The following RAPGEF5 variants were observed in gnomAD, a reference collection of about 807,000 sequenced individuals.
RAPGEF5 encodes the protein M-Ras-regulated GEF.
RAPGEF5 carries 65 observed loss-of-function variants against 125.2 expected under a neutral mutation model. That is an observed-to-expected ratio of 0.52 (90% CI 0.43 to 0.64). RAPGEF5 has a LOEUF of 0.64. Among genes scored for constraint, RAPGEF5 ranks in the 30% least tolerant of loss-of-function variants. The pLI is 0.00. For missense variants in RAPGEF5, 958 were observed against 1,048.1 expected (o/e 0.91, Z 1.19); for synonymous variants, 391 against 385.9 (o/e 1.01, Z -0.16).
chr7:22,355,770 G>A (rs1240381050), intron 1 of RAPGEF5, among the ~76,000 whole-genome samples: 1 of 152,076 alleles, frequency 6.6e-6, no homozygotes, highest in Non-Finnish European at 1.5e-5. Context: ...AAAGGAGGGC[G>A]CATGAAAACA....
intron 1 of RAPGEF5, among the ~76,000 whole-genome samples, chr7:22,339,098 C>T (rs1440122772): frequency 6.6e-6 from 1 of 152,074 alleles, no homozygotes; most frequent in Non-Finnish European, 1.5e-5. Context: ...TGGGAACACT[C>T]GACTGGTAAG....
chr7:22,195,476 G>A (rs1785126034), intron 9 of RAPGEF5, among the ~76,000 whole-genome samples: 1 of 152,106 alleles, frequency 6.6e-6, no homozygotes, highest in South Asian at 2.1e-4. Flanking sequence ...TAATCTTTTA[G>A]TGGTAAATAA....
At position 22,315,378 on chromosome 7, in the gene RAPGEF5, C is replaced by A. The variant is rs1396281218; in HGVS notation, c.381G>T (p.Gly127=). Residue 127 remains glycine, a synonymous_variant, in exon 3 of 26, where the codon GGG becomes GGT. Transcript: ENST00000665637. The part of the protein sequence containing the change: ...DLIKDRVNLK[G]FYRRSCVGSE... ...TTAGAAAACTGTGTTACCTGTAAAA[C>A]CCCTTGAGGTTCACTCTGTCCTTTA... is the stretch of plus-strand genomic sequence containing the variant. The A allele has an allele frequency of 6.5e-7, 1 of 1,541,320 alleles. No individual in the cohort carries two copies. The highest frequency in any genetic ancestry group is 8.8e-7 in the Non-Finnish European group (1 of 1,142,640).
At chr7:22,269,715 G>T (rs1728699500) in intron 6 of RAPGEF5, among the ~76,000 whole-genome samples, 1 of 152,166 alleles carries the variant, frequency 6.6e-6, no homozygotes, top group South Asian at 2.1e-4. Context: ...CACAAACAGG[G>T]ACTACACTTT....
intron 21 of RAPGEF5, among the ~76,000 whole-genome samples, chr7:22,137,796 ACTT>A: frequency 6.6e-6 from 1 of 152,220 alleles, no homozygotes. Flanking sequence ...CTTGGCTGGT[ACTT>A]AACAAATGCC....
chr7:22,276,108 G>A (rs550713158), intron 6 of RAPGEF5, among the ~76,000 whole-genome samples: 1 of 152,146 alleles, frequency 6.6e-6, no homozygotes, highest in Admixed American at 6.5e-5. Context: ...TGTATTTTAA[G>A]GAAATAAGTC....
intron 7 of RAPGEF5, among the ~76,000 whole-genome samples, chr7:22,241,005 A>G (rs1443386151): frequency 6.6e-6 from 1 of 152,174 alleles, no homozygotes; most frequent in Non-Finnish European, 1.5e-5. Flanking sequence ...ATTGTCCAGA[A>G]TAAGAAAATG....
intron 21 of RAPGEF5, 128 bp from the exon 22 acceptor site, chr7:22,137,111 G>T: frequency 1.5e-6 from 1 of 676,798 alleles, no homozygotes; most frequent in South Asian, 1.9e-5. Flanking sequence ...TCTATCATCT[G>T]TTCAATCCTG....
intron 25 of RAPGEF5, among the ~76,000 whole-genome samples, chr7:22,123,027 T>C (rs1166439959): frequency 6.6e-6 from 1 of 152,214 alleles, no homozygotes; most frequent in Admixed American, 6.5e-5. Flanking sequence ...TACAATTCTT[T>C]GGTATTCTCA....
chr7:22,139,224 G>C (rs964670136), intron 21 of RAPGEF5, among the ~76,000 whole-genome samples: 3 of 152,158 alleles, frequency 2.0e-5, no homozygotes, highest in African/African-American at 7.2e-5. Context: ...AGGACTGTGA[G>C]GGAGGCTGAG....
intron 5 of RAPGEF5, chr7:22,298,845 T>C (rs1405332864): frequency 6.6e-6 from 1 of 152,234 alleles, no homozygotes; most frequent in African/African-American, 2.4e-5. Context: ...GTTAATGTCT[T>C]TCAAAGAATG....
chr7:22,275,342 C>G (rs995131536), intron 6 of RAPGEF5, among the ~76,000 whole-genome samples: 13 of 152,184 alleles, frequency 8.5e-5, no homozygotes, highest in African/African-American at 3.1e-4. Flanking sequence ...GAACCTGACT[C>G]CTGGCACCAT....
At chr7:22,305,928 C>A (rs2128151781) in intron 5 of RAPGEF5, among the ~76,000 whole-genome samples, 1 of 152,226 alleles carries the variant, frequency 6.6e-6, no homozygotes, top group African/African-American at 2.4e-5. Context: ...TGTATATGTA[C>A]CACGTTTTCT....
chr7:22,118,694 A>G lies in RAPGEF5; in HGVS notation c.*3712T>C, dbSNP rs1222263652. On this transcript the variant is annotated 3_prime_UTR_variant, in exon 26 of 26. Transcript: ENST00000665637. ...AAGCTGACAATATCACAGCAGCCCT[A>G]ATTAATGATACATTAAAAGGCAAGA... The G allele has an allele frequency of 6.6e-6, 1 of 152,612 alleles. No individual in the cohort carries two copies. Among genetic ancestry groups the G allele is most frequent in the Non-Finnish European group, 1.5e-5 (1 of 68,032 alleles). 9.5% of individuals were successfully genotyped at this position (152,612 alleles called of 1,614,324 possible).
chr7:22,254,295 A>T (rs1160967346), intron 7 of RAPGEF5, among the ~76,000 whole-genome samples: 1 of 151,730 alleles, frequency 6.6e-6, no homozygotes. Flanking sequence ...CTGGGACTTT[A>T]GACAAAGGGT....
intron 6 of RAPGEF5, among the ~76,000 whole-genome samples, chr7:22,278,240 C>T (rs1000204268): frequency 2.6e-5 from 4 of 152,106 alleles, no homozygotes; most frequent in Admixed American, 6.6e-5. Context: ...TCAAGTCTTA[C>T]GATCTATCTA....
At chr7:22,158,637 T>C (rs1783888075) in intron 14 of RAPGEF5, among the ~76,000 whole-genome samples, 1 of 152,116 alleles carries the variant, frequency 6.6e-6, no homozygotes, top group South Asian at 2.1e-4. Flanking sequence ...AAATCATTTT[T>C]TTTTTTGAGA....
intron 7 of RAPGEF5, among the ~76,000 whole-genome samples, chr7:22,254,356 C>A (rs1226853479): frequency 2.6e-5 from 4 of 151,584 alleles, no homozygotes; most frequent in African/African-American, 9.7e-5. Flanking sequence ...CACCTGTAAT[C>A]CCAGCGCTTT....
chr7:22,205,287 T>C (rs982657505), intron 9 of RAPGEF5, among the ~76,000 whole-genome samples: 1 of 152,236 alleles, frequency 6.6e-6, no homozygotes, highest in South Asian at 2.1e-4. Context: ...CTGCCTTTTC[T>C]GCTTATCATT....
Sources: gnomAD v4.1 joint callset for allele counts (sites outside exome capture counted in the v4.1 genomes callset) on GRCh38, gnomAD v4.1.1 for gene constraint, MANE v1.5 for transcripts, NCBI Gene and HGNC (gene_info 2026-07-23, HGNC 2026-07-21) for gene names.